DLGAP1: variants seen among roughly 807,000 people sequenced by gnomAD.
DLGAP1 encodes DLG associated protein 1, also known as disks large-associated protein 1.
In DLGAP1, 11 loss-of-function variants were observed where a neutral mutation model predicts 90.8. The observed-to-expected ratio is 0.12, with a 90% CI of 0.08 to 0.20. The LOEUF (loss-of-function observed/expected upper bound fraction) is 0.20. Among genes scored for constraint, DLGAP1 ranks in the 10% least tolerant of loss-of-function variants. DLGAP1 has a pLI of 1.00. For synonymous variants in DLGAP1, 558 were observed against 540.7 expected, an observed-to-expected ratio of 1.03 and a Z score of -0.44; for missense variants, 1,050 against 1,333.8, an observed-to-expected ratio of 0.79 and a Z score of 3.31.
chr18:3,549,402 G>A (rs1003387269), intron 9 of DLGAP1, among the ~76,000 whole-genome samples: 9 of 149,850 alleles, frequency 6.0e-5, no homozygotes, highest in African/African-American at 1.5e-4. Context: ...GCGCAATCTC[G>A]GCTCACTGCA....
chr18:3,827,213 C>T, intron 4 of DLGAP1, among the ~76,000 whole-genome samples: 1 of 152,024 alleles, frequency 6.6e-6, no homozygotes, highest in East Asian at 1.9e-4. Context: ...ACTTAGAGCT[C>T]TGAGAATGAA....
intron 7 of DLGAP1, among the ~76,000 whole-genome samples, chr18:3,613,290 A>G (rs2057716520): frequency 6.6e-6 from 1 of 152,188 alleles, no homozygotes; most frequent in Admixed American, 6.5e-5. Flanking sequence ...AAAAGTTAGC[A>G]TTCTGGAGAA....
intron 4 of DLGAP1, chr18:3,874,248 A>G (rs1599081941): frequency 4.5e-6 from 7 of 1,549,834 alleles, no homozygotes; most frequent in Middle Eastern, 1.7e-4. Flanking sequence ...CTAAAATTTC[A>G]TCTCTGGGAG....
At chr18:4,307,466 A>G (rs1014584709) in intron 1 of DLGAP1, among the ~76,000 whole-genome samples, 1 of 152,164 alleles carries the variant, frequency 6.6e-6, no homozygotes, top group African/African-American at 2.4e-5. Flanking sequence ...CACAGCCACC[A>G]TCTGTCCAAA....
chr18:3,676,120 T>C (rs1347989549), intron 7 of DLGAP1, among the ~76,000 whole-genome samples: 1 of 152,256 alleles, frequency 6.6e-6, no homozygotes, highest in Non-Finnish European at 1.5e-5. Flanking sequence ...TGCCGGCAGT[T>C]GTGCCAATCA....
At chr18:4,298,845 G>A (rs2080051229) in intron 1 of DLGAP1, among the ~76,000 whole-genome samples, 1 of 151,968 alleles carries the variant, frequency 6.6e-6, no homozygotes, top group Non-Finnish European at 1.5e-5. Context: ...ACTTTGGGAG[G>A]CCGAGGTGGG....
At chr18:3,904,840 G>A (rs930008888) in intron 3 of DLGAP1, among the ~76,000 whole-genome samples, 9 of 151,926 alleles carry the variant, frequency 5.9e-5, no homozygotes, top group African/African-American at 2.2e-4. Context: ...TTTGGATCTT[G>A]CTCACTTACA....
intron 1 of DLGAP1, among the ~76,000 whole-genome samples, chr18:4,354,039 C>T (rs546935298): frequency 6.6e-6 from 1 of 152,134 alleles, no homozygotes; most frequent in Non-Finnish European, 1.5e-5. Context: ...CTGTTGTTAC[C>T]GCCATCGACA....
At chr18:4,257,003 C>T (rs567304772) in intron 1 of DLGAP1, among the ~76,000 whole-genome samples, 3 of 152,208 alleles carry the variant, frequency 2.0e-5, no homozygotes, top group East Asian at 1.9e-4. Context: ...CTGGCTGAGA[C>T]GAACAGCAGA....
In DLGAP1 at chr18:3,723,979, A is replaced by G. The variant is rs578161877; in HGVS notation, c.1591+5156T>C. 7.2e-5 allele frequency among the ~76,000 whole-genome samples: 11 copies of G among 152,268 alleles called. No individual in the cohort carries two copies. The South Asian group carries it at 2.3e-3, about 32-fold the overall frequency. The stretch of plus-strand genomic sequence containing the variant: ...CTCCCCTTCCTGAACTATGTGAAGG[A>G]GAGGAGAACAGTTCAACTCCATCAT... On this transcript the variant is annotated intron_variant, in intron 7 of 12. Transcript: ENST00000315677.
chr18:4,140,894 T>C (rs2076484797), intron 2 of DLGAP1, among the ~76,000 whole-genome samples: 1 of 152,006 alleles, frequency 6.6e-6, no homozygotes, highest in South Asian at 2.1e-4. Context: ...CTGAGAAGTC[T>C]GCTGCCAGAT....
chr18:3,808,406 G>A (rs772307713), intron 5 of DLGAP1, among the ~76,000 whole-genome samples: 60 of 152,052 alleles, frequency 3.9e-4, no homozygotes, highest in Non-Finnish European at 6.8e-4. Context: ...GGGAAGAATG[G>A]GACACTACCC....
chr18:3,912,025 G>A lies in DLGAP1; in HGVS notation c.-72-31885C>T, dbSNP rs377699674. Among the ~76,000 whole-genome samples, 165 of 152,288 alleles carry A rather than the reference G, an allele frequency of 1.1e-3. 2 individuals are homozygous for A. The South Asian group carries it at 0.013, about 12-fold the overall frequency. On this transcript the variant is annotated intron_variant, in intron 3 of 12. Transcript: ENST00000315677. Reference sequence around the variant, plus strand: ...AATCAAAAATTGTGTTTTAGTAAGCGCTTCAGGCTGATATGTGCTGAAGTT... The same window carrying A: ...AATCAAAAATTGTGTTTTAGTAAGCACTTCAGGCTGATATGTGCTGAAGTT...
intron 1 of DLGAP1, among the ~76,000 whole-genome samples, chr18:4,370,497 G>A (rs528546311): frequency 1.3e-5 from 2 of 152,160 alleles, no homozygotes; most frequent in Non-Finnish European, 2.9e-5. Context: ...ACTTCTCATC[G>A]ACTTTTCCCC....
intron 2 of DLGAP1, among the ~76,000 whole-genome samples, chr18:4,065,640 A>G (rs915130832): frequency 1.3e-5 from 2 of 152,106 alleles, no homozygotes; most frequent in African/African-American, 4.8e-5. Flanking sequence ...ATATAAGCAA[A>G]ACTACAAAGC....
chr18:4,067,535 T>C (rs1259316502), intron 2 of DLGAP1, among the ~76,000 whole-genome samples: 1 of 152,036 alleles, frequency 6.6e-6, no homozygotes, highest in Non-Finnish European at 1.5e-5. Context: ...GCAGACTCTT[T>C]GTAGCAATAA....
chr18:4,237,405 T>C (rs1435647445), intron 1 of DLGAP1, among the ~76,000 whole-genome samples: 1 of 151,998 alleles, frequency 6.6e-6, no homozygotes, highest in African/African-American at 2.4e-5. Context: ...AGCCTCCTTT[T>C]GTTAGGATTT....
intron 2 of DLGAP1, among the ~76,000 whole-genome samples, chr18:4,075,382 T>C (rs2075508331): frequency 6.6e-6 from 1 of 152,206 alleles, no homozygotes; most frequent in Non-Finnish European, 1.5e-5. Context: ...CTTTCTTTTC[T>C]TAGACCCAAC....
intron 9 of DLGAP1, among the ~76,000 whole-genome samples, chr18:3,559,470 T>G (rs949859561): frequency 6.6e-6 from 1 of 152,160 alleles, no homozygotes; most frequent in Non-Finnish European, 1.5e-5. Context: ...TCTTTCACAT[T>G]TTTTCTGCTT....
Sources: gnomAD v4.1 joint callset for allele counts (sites outside exome capture counted in the v4.1 genomes callset) on GRCh38, gnomAD v4.1.1 for gene constraint, MANE v1.5 for transcripts, NCBI Gene and HGNC (gene_info 2026-07-23, HGNC 2026-07-21) for gene names.